SETD5: variants seen among roughly 807,000 people sequenced by gnomAD.
SETD5 encodes the protein histone-lysine N-methyltransferase SETD5.
Under a neutral mutation model 153.3 loss-of-function variants are expected in SETD5, and 44 were observed. The ratio of observed to expected loss-of-function variants is 0.29; its 90% CI spans 0.23 to 0.37. The LOEUF (loss-of-function observed/expected upper bound fraction) is 0.37, where lower values mean the gene tolerates loss of function less well. Ranked by LOEUF, SETD5 falls within the 10% of genes least tolerant of loss-of-function variation. The pLI, the probability that SETD5 is intolerant of heterozygous loss-of-function variation, is 1.00. For synonymous variants in SETD5, 716 were observed against 645.2 expected (o/e 1.11, Z -1.66); for missense variants, 1,544 against 1,768.0 (o/e 0.87, Z 2.27).
chr3:9,444,319 T>G (rs77446386), intron 11 of SETD5, among the ~76,000 whole-genome samples: 11,072 of 152,090 alleles, frequency 0.073, 601 homozygotes, highest in African/African-American at 0.13. Context: ...GGCCCAGGTA[T>G]AAGGAAAAAA....
chr3:9,439,073 A>C (rs983700483), intron 7 of SETD5, among the ~76,000 whole-genome samples: 1 of 152,204 alleles, frequency 6.6e-6, no homozygotes, highest in Non-Finnish European at 1.5e-5. Flanking sequence ...TGTAAGTTTA[A>C]CAATTGCCAC....
At chr3:9,419,751 A>G (rs927357942) in intron 1 of SETD5, among the ~76,000 whole-genome samples, 1 of 152,148 alleles carries the variant, frequency 6.6e-6, no homozygotes, top group Non-Finnish European at 1.5e-5. Context: ...CTGTTTGTTC[A>G]TCGGTTGGAG....
At chr3:9,441,077 T>G (rs759120055) in intron 8 of SETD5, among the ~76,000 whole-genome samples, 6 of 151,948 alleles carry the variant, frequency 3.9e-5, no homozygotes, top group Non-Finnish European at 1.5e-5. Context: ...GCCGTTGTGA[T>G]GATACACACC....
chr3:9,449,091 C>A (rs2042340562), intron 16 of SETD5, among the ~76,000 whole-genome samples: 1 of 152,174 alleles, frequency 6.6e-6, no homozygotes, highest in Non-Finnish European at 1.5e-5. Flanking sequence ...ACTATCATCA[C>A]TTGAAGGAAA....
rs748726626 is a variant in SETD5, at chr3:9,434,917, A to T, written c.388+35A>T. On this transcript the variant is annotated intron_variant, in intron 6 of 22. Transcript: ENST00000402198. This position sits in a 1 kb window ranked among gnomAD's most constrained non-coding sequence, Gnocchi z 5.6. ...AGATGGGTTAGGTCCACAATTTGACATAAAAATATTCTGTGATCTGAATGT... is the reference window on the plus strand; with the variant it reads ...AGATGGGTTAGGTCCACAATTTGACTTAAAAATATTCTGTGATCTGAATGT... The T allele has an allele frequency of 2.5e-6, 4 of 1,604,372 alleles. No individual in the cohort carries two copies.
Position 9,441,753 on chromosome 3 carries a change from A to G in SETD5, c.959+12A>G, listed in dbSNP as rs1179146163. On this transcript the variant is annotated intron_variant, in intron 9 of 22. Transcript: ENST00000402198. ...CATTTCTTCAAAAAGTAAGAACGTC[A>G]TTCATTGAGCAGTGAGGGCTAAGGT... The G allele has an allele frequency of 2.5e-6, 4 of 1,613,834 alleles. No individual in the cohort carries two copies. Among genetic ancestry groups the G allele is most frequent in the Non-Finnish European group, 1.7e-6 (2 of 1,179,840 alleles).
rs561002098 is a variant in SETD5 at position 9,444,557 on chromosome 3, C to A, written c.1188-491C>A. Among the ~76,000 whole-genome samples, 8 of 151,770 alleles carry A rather than the reference C, an allele frequency of 5.3e-5. No individual in the cohort carries two copies. The South Asian group carries it at 1.7e-3, about 32-fold the overall frequency. On this transcript the variant is annotated intron_variant, in intron 11 of 22. Transcript: ENST00000402198. ...GCTTTCTTTTTTTTTTCCCACTGACCATGGAGTAGAATTGGGGTTACACAA... is the reference window on the plus strand; with the variant it reads ...GCTTTCTTTTTTTTTTCCCACTGACAATGGAGTAGAATTGGGGTTACACAA...
intron 14 of SETD5, 118 bp downstream of exon 14, chr3:9,447,425 G>A: frequency 7.2e-7 from 1 of 1,379,590 alleles, no homozygotes; most frequent in Non-Finnish European, 9.8e-7. Flanking sequence ...CAATAAATAA[G>A]GCCATTAACT....
rs2124946399 is a variant in SETD5 at position 9,423,286 on chromosome 3, T to C, written c.-176-1181T>C. 2 of 152,364 alleles carry C rather than the reference T, an allele frequency of 1.3e-5. 1 individual carries two copies. Among genetic ancestry groups the C allele is most frequent in the South Asian group, 4.1e-4 (2 of 4,830 alleles). The allele number at this position is 152,364 out of a possible 1,614,324, so 9.4% of individuals were successfully genotyped here. Reference sequence around the variant, plus strand: ...ATTAAGAAACATTTCTGGCATGTTCTATTTAACATCCTTTTCCCTAGAAAC... The same window carrying C: ...ATTAAGAAACATTTCTGGCATGTTCCATTTAACATCCTTTTCCCTAGAAAC... On this transcript the variant is annotated intron_variant, in intron 1 of 22. Transcript: ENST00000402198.
chr3:9,426,047 T>G (rs2039151601), intron 2 of SETD5: 1 of 151,980 alleles, frequency 6.6e-6, no homozygotes, highest in Admixed American at 6.6e-5. Flanking sequence ...TTAACTGTCT[T>G]TTGGGTTTAC....
intron 1 of SETD5, among the ~76,000 whole-genome samples, chr3:9,399,546 A>G (rs943381428): frequency 6.6e-6 from 1 of 152,112 alleles, no homozygotes; most frequent in Non-Finnish European, 1.5e-5. Context: ...TCAGACTGTC[A>G]TTATGTGTAG....
At chr3:9,446,013 C>T (rs1444140781) in intron 13 of SETD5, among the ~76,000 whole-genome samples, 7 of 122,462 alleles carry the variant, frequency 5.7e-5, no homozygotes, top group African/African-American at 2.0e-4. Context: ...TTCCGCTGGG[C>T]GCGGTGGCTC....
chr3:9,445,863 T>C, intron 13 of SETD5, 123 bp downstream of exon 13: 1 of 493,726 alleles, frequency 2.0e-6, no homozygotes, highest in Non-Finnish European at 3.4e-6. Context: ...TAATTTGGGC[T>C]TTTTCCGTAA....
chr3:9,454,455 C>G (rs917921206), intron 17 of SETD5, among the ~76,000 whole-genome samples: 34 of 151,608 alleles, frequency 2.2e-4, no homozygotes, highest in Non-Finnish European at 4.3e-4. Context: ...CCTGTCTCTA[C>G]CAAAAATGCA....
chr3:9,411,419 A>G (rs1300532078), intron 1 of SETD5, among the ~76,000 whole-genome samples: 1 of 152,224 alleles, frequency 6.6e-6, no homozygotes, highest in Non-Finnish European at 1.5e-5. Flanking sequence ...CTTCCTAATT[A>G]CAGTATCTTA....
At position 9,476,206 on chromosome 3, in the gene SETD5, G is replaced by A. The variant is rs2045841624; in HGVS notation, c.*115G>A. On this transcript the variant is annotated 3_prime_UTR_variant, in exon 23 of 23. Coordinates refer to ENST00000402198, the MANE Select transcript of SETD5 (RefSeq NM_001080517.3). Reference sequence around the variant, plus strand: ...GGAACGGGGGGTACAAGGTGCCAGAGGATTGGGTCTGGTGGACAAGAAACA... The same window carrying A: ...GGAACGGGGGGTACAAGGTGCCAGAAGATTGGGTCTGGTGGACAAGAAACA... 21 of 1,380,754 alleles carry A rather than the reference G, an allele frequency of 1.5e-5. No individual in the cohort carries two copies. Among genetic ancestry groups the A allele is most frequent in the Non-Finnish European group, 1.9e-5 (20 of 1,037,898 alleles). 85.5% of individuals were successfully genotyped at this position (1,380,754 alleles called of 1,614,324 possible).
At chr3:9,429,453 A>G (rs1408909689) in intron 3 of SETD5, 2 of 164,918 alleles carry the variant, frequency 1.2e-5, no homozygotes, top group African/African-American at 4.8e-5. Flanking sequence ...CAGGTTGCCT[A>G]GACCTTCTGA....
intron 3 of SETD5, chr3:9,431,479 A>G (rs866359272): frequency 2.1e-5 from 20 of 942,688 alleles, no homozygotes; most frequent in Admixed American, 6.2e-5. Context: ...ACTAGTATAT[A>G]TATCAAGGAA....
intron 13 of SETD5, among the ~76,000 whole-genome samples, chr3:9,446,648 A>C (rs895466188): frequency 1.3e-5 from 2 of 151,932 alleles, no homozygotes; most frequent in Non-Finnish European, 2.9e-5. Flanking sequence ...ATGCGCCACC[A>C]TGCCTGGGTA....
Sources: gnomAD v4.1 joint callset for allele counts (sites outside exome capture counted in the v4.1 genomes callset) on GRCh38, gnomAD v4.1.1 for gene constraint, Gnocchi (gnomAD v3.1) non-coding constraint, MANE v1.5 for transcripts, NCBI Gene and HGNC (gene_info 2026-07-23, HGNC 2026-07-21) for gene names.